GAB2: variants seen among roughly 807,000 people sequenced by gnomAD.
GAB2 encodes the protein GRB2-associated-binding protein 2.
GAB2 carries 26 observed loss-of-function variants against 65.5 expected under a neutral mutation model. That is an observed-to-expected ratio of 0.40 (90% CI 0.29 to 0.55). The LOEUF is 0.55. Among genes scored for constraint, GAB2 ranks in the 20% least tolerant of loss-of-function variants. The probability of loss-of-function intolerance (pLI) is 0.53; values close to 1 mark genes in which losing one functional copy is unlikely to be tolerated. For synonymous variants in GAB2, 321 were observed against 329.6 expected (o/e 0.97, Z 0.28); for missense variants, 884 against 875.8 (o/e 1.01, Z -0.12).
At chr11:78,352,179 C>T (rs111463836) in intron 1 of GAB2, among the ~76,000 whole-genome samples, 4,044 of 152,284 alleles carry the variant, frequency 0.027, 175 homozygotes, top group African/African-American at 0.091. Context: ...CGCCATTGCA[C>T]TCCAGCCTGG....
Position 78,219,265 on chromosome 11 carries a change from C to T in GAB2, c.*7G>A. 1 of 1,612,354 alleles carries T rather than the reference C, an allele frequency of 6.2e-7. No individual in the cohort carries two copies. The highest frequency in any genetic ancestry group is 8.5e-7 in the Non-Finnish European group (1 of 1,179,674). ...GCTGCCTCCTGGGCTCTGCGGTGGC[C>T]CTCTCATCACAGCTTGGCACCCTTG... On this transcript the variant is annotated 3_prime_UTR_variant, in exon 10 of 10. Transcript: ENST00000361507.
intron 1 of GAB2, among the ~76,000 whole-genome samples, chr11:78,412,938 A>C (rs2135100498): frequency 6.6e-6 from 1 of 152,342 alleles, no homozygotes; most frequent in South Asian, 2.1e-4. Flanking sequence ...AGATATTTAG[A>C]TGATACCACT....
At chr11:78,345,717 T>C (rs1310144445) in intron 1 of GAB2, among the ~76,000 whole-genome samples, 1 of 152,090 alleles carries the variant, frequency 6.6e-6, no homozygotes, top group Non-Finnish European at 1.5e-5. Context: ...GAATTTTTAG[T>C]AGGCAAAAAG....
At position 78,219,076 on chromosome 11, in the gene GAB2, G is replaced by T; in HGVS notation, c.*196C>A. ...AAAAATCACAGCTGGGCCCCGAGTG[G>T]GCAGAGGAGGTGCCTTGATCAGGCC... On this transcript the variant is annotated 3_prime_UTR_variant, in exon 10 of 10. Coordinates refer to ENST00000361507, the MANE Select transcript of GAB2 (RefSeq NM_080491.3). 1 of 574,480 alleles carries T rather than the reference G, an allele frequency of 1.7e-6. No individual in the cohort carries two copies. The highest frequency in any genetic ancestry group is 3.1e-6 in the Non-Finnish European group (1 of 325,376). The allele number at this position is 574,480 out of a possible 1,614,324, so 35.6% of individuals were successfully genotyped here.
chr11:78,313,431 C>T (rs528952893), intron 1 of GAB2, among the ~76,000 whole-genome samples: 3 of 152,266 alleles, frequency 2.0e-5, no homozygotes, highest in African/African-American at 7.2e-5. Flanking sequence ...TAAGGGTGAA[C>T]TGCAAGGTGC....
At chr11:78,303,070 A>C (rs1867077724) in intron 1 of GAB2, among the ~76,000 whole-genome samples, 1 of 152,250 alleles carries the variant, frequency 6.6e-6, no homozygotes, top group Non-Finnish European at 1.5e-5. Context: ...GGTGATGGAC[A>C]GAAGACCACA....
At chr11:78,252,279 T>G (rs2510056) in intron 2 of GAB2, among the ~76,000 whole-genome samples, 142,267 of 152,334 alleles carry the variant, frequency 0.93, 66,846 homozygotes, top group African/African-American at 0.99. Flanking sequence ...GGGAAAAACT[T>G]TTCCATTGAC....
intron 1 of GAB2, among the ~76,000 whole-genome samples, chr11:78,381,329 T>C (rs1329252534): frequency 6.6e-6 from 1 of 152,218 alleles, no homozygotes; most frequent in Non-Finnish European, 1.5e-5. Flanking sequence ...TTTAATGAGC[T>C]AATACATATA....
intron 1 of GAB2, among the ~76,000 whole-genome samples, chr11:78,415,538 G>T (rs908382740): frequency 5.9e-5 from 9 of 152,182 alleles, no homozygotes; most frequent in Middle Eastern, 3.2e-3. Context: ...TTTCAGTTAG[G>T]GGGAAACTGA....
intron 1 of GAB2, among the ~76,000 whole-genome samples, chr11:78,339,443 A>G (rs1856057024): frequency 6.6e-6 from 1 of 152,202 alleles, no homozygotes; most frequent in Non-Finnish European, 1.5e-5. Flanking sequence ...AGCATCTGAT[A>G]ACACTTAAAA....
chr11:78,346,722 A>ATATATATATATATATT (rs1565168352), intron 1 of GAB2, among the ~76,000 whole-genome samples: 6 of 30,792 alleles, frequency 1.9e-4, no homozygotes, highest in Admixed American at 3.7e-4. Context: ...TATATATATA[A>ATATATATATATATATT]TTTTTTTTTT....
chr11:78,343,964 G>A (rs542173931), intron 1 of GAB2, among the ~76,000 whole-genome samples: 14 of 152,148 alleles, frequency 9.2e-5, no homozygotes, highest in Middle Eastern at 3.4e-3. Flanking sequence ...GAATAGCACA[G>A]AATTAGACAA....
chr11:78,296,096 A>G (rs1039386897), intron 1 of GAB2, among the ~76,000 whole-genome samples: 1 of 152,182 alleles, frequency 6.6e-6, no homozygotes, highest in Non-Finnish European at 1.5e-5. Context: ...GCAGTTCACA[A>G]TAGAGTTTAC....
chr11:78,310,644 A>G (rs1424434969), intron 1 of GAB2, among the ~76,000 whole-genome samples: 6 of 152,202 alleles, frequency 3.9e-5, no homozygotes, highest in Non-Finnish European at 2.9e-5. Flanking sequence ...GCTCACAGTG[A>G]AAAGGGTTAT....
intron 5 of GAB2, among the ~76,000 whole-genome samples, chr11:78,224,894 T>TCTACCTTAGCACATACATTTCTTCCAGA (rs1227273040): frequency 5.3e-5 from 8 of 152,072 alleles, no homozygotes; most frequent in Admixed American, 1.3e-4. Context: ...TGTAATCCAG[T>TCTACCTTAGCACATACATTTCTTCCAGA]CTACCTTAGC....
intron 1 of GAB2, among the ~76,000 whole-genome samples, chr11:78,404,436 A>G (rs1405787975): frequency 6.6e-6 from 1 of 152,198 alleles, no homozygotes; most frequent in Non-Finnish European, 1.5e-5. Context: ...AGTCCCAGCT[A>G]CTCAGGAGGA....
chr11:78,269,564 A>C (rs535861894), intron 2 of GAB2, among the ~76,000 whole-genome samples: 4 of 152,208 alleles, frequency 2.6e-5, no homozygotes, highest in Non-Finnish European at 5.9e-5. Context: ...CTCTAGAAAG[A>C]GCTATTTGAA....
chr11:78,408,651 C>G (rs750782488), intron 1 of GAB2, among the ~76,000 whole-genome samples: 7 of 152,158 alleles, frequency 4.6e-5, no homozygotes, highest in Non-Finnish European at 1.0e-4. Flanking sequence ...AATCTGAGGT[C>G]AAATTGTCAT....
intron 1 of GAB2, among the ~76,000 whole-genome samples, chr11:78,343,594 G>C (rs72931670): frequency 6.6e-6 from 1 of 152,170 alleles, no homozygotes; most frequent in Non-Finnish European, 1.5e-5. Flanking sequence ...ACCCAAAGAA[G>C]CCAGGTTCAG....
Sources: gnomAD v4.1 joint callset for allele counts (sites outside exome capture counted in the v4.1 genomes callset) on GRCh38, gnomAD v4.1.1 for gene constraint, MANE v1.5 for transcripts, NCBI Gene and HGNC (gene_info 2026-07-23, HGNC 2026-07-21) for gene names.